The following SEZ6L variants were observed in gnomAD, a reference collection of about 807,000 sequenced individuals.
SEZ6L encodes the protein seizure 6-like protein.
Under a neutral mutation model 106.2 loss-of-function variants are expected in SEZ6L, and 37 were observed. The observed-to-expected ratio is 0.35, with a 90% CI of 0.27 to 0.46. The LOEUF (loss-of-function observed/expected upper bound fraction) is 0.46, where lower values mean the gene tolerates loss of function less well. Among genes scored for constraint, SEZ6L ranks in the 20% least tolerant of loss-of-function variants. The pLI is 1.00. For missense variants in SEZ6L, 1,172 were observed against 1,332.8 expected (o/e 0.88, Z 1.88); for synonymous variants, 541 against 570.4 (o/e 0.95, Z 0.73).
intron 12 of SEZ6L, among the ~76,000 whole-genome samples, chr22:26,362,138 T>C (rs1222051576): frequency 6.6e-6 from 1 of 152,178 alleles, no homozygotes; most frequent in Admixed American, 6.5e-5. Context: ...TTGCCAGCCC[T>C]CTTAGGTCTC....
chr22:26,308,512 A>G (rs1210681975), intron 6 of SEZ6L, among the ~76,000 whole-genome samples: 2 of 152,124 alleles, frequency 1.3e-5, no homozygotes, highest in Non-Finnish European at 2.9e-5. Flanking sequence ...ATTTTCCTCA[A>G]AATGAACCCT....
chr22:26,310,034 A>G (rs1278063814), intron 6 of SEZ6L, among the ~76,000 whole-genome samples: 1 of 152,260 alleles, frequency 6.6e-6, no homozygotes, highest in Non-Finnish European at 1.5e-5. Context: ...CATTTAGGCA[A>G]TGAGATTAGT....
At chr22:26,272,275 A>T (rs1378563740) in intron 1 of SEZ6L, among the ~76,000 whole-genome samples, 1 of 152,172 alleles carries the variant, frequency 6.6e-6, no homozygotes, top group East Asian at 1.9e-4. Context: ...GTGTTCTTAC[A>T]ATTGGGGGGA....
rs1256693395 is a variant in SEZ6L at position 26,381,792 on chromosome 22, G to A, written c.*1497G>A. The A allele has an allele frequency of 9.9e-6, 3 of 303,100 alleles. No homozygotes were observed. The highest frequency in any genetic ancestry group is 2.0e-5 in the Non-Finnish European group (3 of 151,928). 18.8% of individuals were successfully genotyped at this position (303,100 alleles called of 1,614,324 possible). A position where few individuals can be genotyped will look rare whatever the true frequency, so the allele number is the denominator to read the frequency against. On this transcript the variant is annotated 3_prime_UTR_variant, in exon 17 of 17. Transcript: ENST00000248933. ...TTCACCTTCCTGGGACCGGTGACAT[G>A]GTGGTGACAGTCAATGGCTTGGACA...
intron 1 of SEZ6L, among the ~76,000 whole-genome samples, chr22:26,225,250 C>A (rs1569396910): frequency 6.6e-6 from 1 of 152,192 alleles, no homozygotes; most frequent in Admixed American, 6.5e-5. Flanking sequence ...AAACACAGGA[C>A]GAGCTCATCA....
chr22:26,181,600 C>T (rs9613119), intron 1 of SEZ6L, among the ~76,000 whole-genome samples: 14,759 of 152,048 alleles, frequency 0.097, 743 homozygotes, highest in Admixed American at 0.12. Flanking sequence ...CTTGTTAATC[C>T]GACTGTGTAA....
intron 9 of SEZ6L, among the ~76,000 whole-genome samples, chr22:26,335,764 GAGGC>G (rs2082625275): frequency 6.6e-6 from 1 of 152,184 alleles, no homozygotes; most frequent in Admixed American, 6.5e-5. Context: ...GCTCTGACCA[GAGGC>G]AGGCAGGCAT....
chr22:26,352,200 G>A (rs1238030696), intron 12 of SEZ6L, among the ~76,000 whole-genome samples: 1 of 151,086 alleles, frequency 6.6e-6, no homozygotes, highest in Non-Finnish European at 1.5e-5. Context: ...AGGCTCTCTA[G>A]GGATTCTGAT....
At chr22:26,296,380 A>C (rs2145892320) in intron 3 of SEZ6L, among the ~76,000 whole-genome samples, 1 of 152,306 alleles carries the variant, frequency 6.6e-6, no homozygotes, top group Non-Finnish European at 1.5e-5. Flanking sequence ...AATCTTTTTT[A>C]AATATTTTCT....
intron 1 of SEZ6L, among the ~76,000 whole-genome samples, chr22:26,282,386 A>G (rs1253481452): frequency 6.6e-6 from 1 of 152,232 alleles, no homozygotes; most frequent in Admixed American, 6.5e-5. Context: ...GCTTTGGGAC[A>G]TGACCAGGCA....
At chr22:26,201,228 A>G (rs973771851) in intron 1 of SEZ6L, among the ~76,000 whole-genome samples, 1 of 152,082 alleles carries the variant, frequency 6.6e-6, no homozygotes, top group Non-Finnish European at 1.5e-5. Flanking sequence ...ATTGATTAAA[A>G]TGTCTCTGGA....
intron 6 of SEZ6L, among the ~76,000 whole-genome samples, chr22:26,310,333 C>T (rs949070146): frequency 2.0e-5 from 3 of 152,092 alleles, no homozygotes; most frequent in African/African-American, 2.4e-5. Flanking sequence ...GTCAGGAGTT[C>T]GAGACCAGCC....
intron 13 of SEZ6L, among the ~76,000 whole-genome samples, chr22:26,371,405 A>C (rs570559496): frequency 1.3e-5 from 2 of 152,192 alleles, no homozygotes; most frequent in Admixed American, 1.3e-4. Flanking sequence ...CCTCCTCGCC[A>C]GCACTGTATG....
intron 6 of SEZ6L, 24 bp from the exon 7 acceptor site, chr22:26,310,646 C>A: frequency 6.2e-7 from 1 of 1,613,234 alleles, no homozygotes; most frequent in South Asian, 1.1e-5. Context: ...TGTCAGTGTC[C>A]CTCCTCTCTG....
intron 1 of SEZ6L, among the ~76,000 whole-genome samples, chr22:26,277,038 G>T (rs551457953): frequency 6.6e-6 from 1 of 151,926 alleles, no homozygotes; most frequent in Non-Finnish European, 1.5e-5. Context: ...AGGCCCATTC[G>T]TGGGGGAGAA....
intron 1 of SEZ6L, among the ~76,000 whole-genome samples, chr22:26,232,548 TATA>T (rs1187037193): frequency 5.3e-5 from 8 of 152,174 alleles, no homozygotes; most frequent in Non-Finnish European, 1.2e-4. Context: ...CTCATCACAT[TATA>T]ATACCATATT....
chr22:26,346,113 G>A (rs73404663), intron 10 of SEZ6L, among the ~76,000 whole-genome samples: 6 of 151,390 alleles, frequency 4.0e-5, no homozygotes, highest in African/African-American at 9.7e-5. Flanking sequence ...CTGCAGTCTC[G>A]AACTCCCAGA....
chr22:26,209,735 G>A (rs2078093254), intron 1 of SEZ6L, among the ~76,000 whole-genome samples: 1 of 139,290 alleles, frequency 7.2e-6, no homozygotes, highest in African/African-American at 2.7e-5. Flanking sequence ...GAAGGAAGGA[G>A]AGAGGGAGAG....
chr22:26,344,988 G>T (rs1370462203), intron 10 of SEZ6L, among the ~76,000 whole-genome samples: 3 of 152,190 alleles, frequency 2.0e-5, no homozygotes, highest in Admixed American at 2.0e-4. Flanking sequence ...AAGGGCCCAT[G>T]GGAACAGACC....
Sources: allele counts gnomAD v4.1 joint callset (sites outside exome capture counted in the v4.1 genomes callset), GRCh38; gene constraint gnomAD v4.1.1; transcripts MANE v1.5; gene names NCBI Gene and HGNC (gene_info 2026-07-23, HGNC 2026-07-21).